The following PDXDC1 variants were observed in gnomAD, a reference collection of about 807,000 sequenced individuals.
PDXDC1 encodes the protein pyridoxal dependent decarboxylase domain containing 1.
A neutral mutation model predicts 100.1 loss-of-function variants in PDXDC1; 42 were observed. The observed-to-expected ratio is 0.42, with a 90% CI of 0.33 to 0.54. The LOEUF (loss-of-function observed/expected upper bound fraction) is 0.54. PDXDC1 is among the 20% of genes least tolerant of loss of function. PDXDC1 has a pLI of 0.10. For missense variants in PDXDC1, 636 were observed against 979.2 expected (o/e 0.65, Z 4.68); for synonymous variants, 260 against 371.7 (o/e 0.70, Z 3.46).
In PDXDC1 at chr16:15,078,878, C is replaced by T. The variant is rs2045575067; in HGVS notation, c.1399+48822C>T. On this transcript the variant is annotated intron_variant, in intron 16 of 16. Transcript: ENST00000535621. ...CCAGGCTGGAGCGGAGTGGCGCAAT[C>T]TCGGCTCACTGCAAGCTCCACCTCC... Among the ~76,000 whole-genome samples the T allele has an allele frequency of 2.7e-5, 4 of 148,026 alleles. No individual in the cohort carries two copies. In the South Asian group the frequency reaches 8.6e-4, roughly 32 times the overall value.
chr16:14,992,163 T>A (rs1466983600), intron 1 of PDXDC1, among the ~76,000 whole-genome samples: 1 of 152,292 alleles, frequency 6.6e-6, no homozygotes. Flanking sequence ...TCTGTCCCAT[T>A]GTCCCCATAA....
chr16:15,065,195 GC>G, intron 16 of PDXDC1: 1 of 1,568,896 alleles, frequency 6.4e-7, no homozygotes. Context: ...ACCTCCTCCA[GC>G]GTCAATGTTT....
Position 15,034,397 on chromosome 16 carries a change from A to C in PDXDC1, c.1905+19A>C. 6.2e-7 allele frequency: 1 copy of C among 1,613,532 alleles called. No individual in the cohort carries two copies. Among genetic ancestry groups the C allele is most frequent in the Admixed American group, 1.7e-5 (1 of 60,024 alleles). ...GGAAGAGGTGAGGCCCCCGATGGGC[A>C]GCAGGCTGGGGGAGCCGCCGTGAGG... On this transcript the variant is annotated intron_variant, in intron 20 of 22. Coordinates refer to ENST00000396410, the MANE Select transcript of PDXDC1 (RefSeq NM_015027.4).
At chr16:15,032,530 T>C (rs1051482183) in intron 17 of PDXDC1, 1 of 217,476 alleles carries the variant, frequency 4.6e-6, no homozygotes, top group Non-Finnish European at 9.1e-6. Context: ...GGTGCACACC[T>C]GTAGTCCCAG....
In PDXDC1 at chr16:15,033,293, G is replaced by A. The variant is rs1055498111; in HGVS notation, c.1706G>A (p.Ser569Asn). The A allele has an allele frequency of 1.9e-6, 3 of 1,614,058 alleles. No homozygotes were observed. Among genetic ancestry groups the A allele is most frequent in the Non-Finnish European group, 2.5e-6 (3 of 1,180,014 alleles). Reference sequence around the variant, plus strand: ...ACCTTTGCAGGCCCTGAGTATAAGAGCATGAAGAGCTGCCTTTATGTCGGC... The same window carrying A: ...ACCTTTGCAGGCCCTGAGTATAAGAACATGAAGAGCTGCCTTTATGTCGGC... ...LTFKIGPEYK[S>N]MKSCLYVGMA... Residue 569 changes from serine to asparagine, a missense_variant, in exon 19 of 23, where the codon AGC becomes AAC. This residue lies in a region of PDXDC1 where 452 missense variants were observed against 402.9 expected (regional missense o/e 1.12). Coordinates refer to ENST00000396410, the MANE Select transcript of PDXDC1 (RefSeq NM_015027.4).
At chr16:15,006,779 C>T (rs1412861633) in intron 6 of PDXDC1, among the ~76,000 whole-genome samples, 196 bp downstream of exon 6, 1 of 152,290 alleles carries the variant, frequency 6.6e-6, no homozygotes, top group East Asian at 1.9e-4. Flanking sequence ...GGGGCATCCA[C>T]AGTCAACATT....
intron 16 of PDXDC1, chr16:15,104,335 A>G: frequency 6.3e-7 from 1 of 1,577,642 alleles, no homozygotes; most frequent in Non-Finnish European, 8.6e-7. Context: ...TATATTATTT[A>G]TTTATTCTTC....
downstream of PDXDC1, among the ~76,000 whole-genome samples, chr16:15,041,837 A>G (rs976391471): frequency 6.6e-6 from 1 of 152,194 alleles, no homozygotes; most frequent in Admixed American, 6.5e-5. Flanking sequence ...GGGGCCAGAC[A>G]CTAGGGAGCT....
chr16:15,027,865 A>G (rs1287164214), intron 14 of PDXDC1, among the ~76,000 whole-genome samples: 1 of 152,278 alleles, frequency 6.6e-6, no homozygotes, highest in Non-Finnish European at 1.5e-5. Flanking sequence ...GGGAAATGCA[A>G]CATTTGGGGG....
chr16:15,032,135 C>T (rs1030082961), intron 17 of PDXDC1: 25 of 554,328 alleles, frequency 4.5e-5, no homozygotes, highest in South Asian at 2.5e-4. Flanking sequence ...CTGTAGGTGC[C>T]GACTCTCAGC....
At chr16:15,142,995 G>T (rs532470008), downstream of PDXDC1, among the ~76,000 whole-genome samples, 5 of 152,288 alleles carry the variant, frequency 3.3e-5, no homozygotes, top group East Asian at 9.7e-4. Flanking sequence ...TGGAAGGGTG[G>T]GAGCCAGGTG....
At chr16:14,975,989 C>A (rs1164175832) in intron 1 of PDXDC1, among the ~76,000 whole-genome samples, 2 of 152,304 alleles carry the variant, frequency 1.3e-5, no homozygotes, top group Non-Finnish European at 2.9e-5. Flanking sequence ...CGAGTCAACT[C>A]GAAATCCACT....
chr16:15,122,671 C>A (rs1177926693), intron 16 of PDXDC1, among the ~76,000 whole-genome samples: 1 of 150,938 alleles, frequency 6.6e-6, no homozygotes, highest in Non-Finnish European at 1.5e-5. Context: ...TAAATCCCAG[C>A]AGGAGCCAAA....
the PDXDC1 span, among the ~76,000 whole-genome samples, chr16:15,148,806 C>T: frequency 4.6e-5 from 7 of 152,142 alleles, no homozygotes; most frequent in Non-Finnish European, 2.9e-5. Flanking sequence ...CTGCAGTGGG[C>T]GCTCGGGTGC....
chr16:15,086,496 T>C, intron 16 of PDXDC1: 1 of 1,608,058 alleles, frequency 6.2e-7, no homozygotes, highest in Non-Finnish European at 8.5e-7. Flanking sequence ...ACAAATCCTC[T>C]AACATAACAG....
chr16:14,984,446 AGAG>A (rs1968789381), intron 1 of PDXDC1, among the ~76,000 whole-genome samples: 1 of 133,276 alleles, frequency 7.5e-6, no homozygotes, highest in Non-Finnish European at 1.5e-5. Context: ...AGAGAGAGAG[AGAG>A]AGAGAGTGTG....
intron 16 of PDXDC1, among the ~76,000 whole-genome samples, chr16:15,087,503 C>A (rs561350424): frequency 1.8e-3 from 267 of 152,280 alleles, no homozygotes; most frequent in Non-Finnish European, 3.4e-3. Flanking sequence ...GAAGCTGTCC[C>A]CTTTTCCCCA....
chr16:15,054,664 T>TCA (rs769588752), intron 16 of PDXDC1, among the ~76,000 whole-genome samples: 1 of 152,178 alleles, frequency 6.6e-6, no homozygotes, highest in Non-Finnish European at 1.5e-5. Flanking sequence ...TAAGTCCTTG[T>TCA]CACCCTTCAG....
At chr16:15,145,171 A>C in the PDXDC1 span, among the ~76,000 whole-genome samples, 1 of 152,212 alleles carries the variant, frequency 6.6e-6, no homozygotes, top group Non-Finnish European at 1.5e-5. Flanking sequence ...CAAGGTAGGA[A>C]GAGGGTGGTG....
Sources: allele counts gnomAD v4.1 joint callset (sites outside exome capture counted in the v4.1 genomes callset), GRCh38; gene constraint gnomAD v4.1.1; regional missense constraint gnomAD v4.1.1; transcripts MANE v1.5; gene names NCBI Gene and HGNC (gene_info 2026-07-23, HGNC 2026-07-21).